ADRA1A: variants seen among roughly 807,000 people sequenced by gnomAD.
ADRA1A encodes adrenoceptor alpha 1A.
Under a neutral mutation model 29.6 loss-of-function variants are expected in ADRA1A, and 31 were observed. The ratio of observed to expected loss-of-function variants is 1.05; its 90% CI spans 0.79 to 1.41. The LOEUF (loss-of-function observed/expected upper bound fraction) is 1.41. ADRA1A is among the 40% of genes most tolerant of loss of function. The pLI, the probability that ADRA1A is intolerant of heterozygous loss-of-function variation, is 0.00. For missense variants in ADRA1A, 619 were observed against 601.1 expected, an observed-to-expected ratio of 1.03 and a Z score of -0.31; for synonymous variants, 311 against 254.3, an observed-to-expected ratio of 1.22 and a Z score of -2.12.
chr8:26,828,165 A>G (rs1810723137), intron 2 of ADRA1A, among the ~76,000 whole-genome samples: 2 of 152,222 alleles, frequency 1.3e-5, no homozygotes. Context: ...GGGTGCTAAG[A>G]TTACAGGTAT....
At chr8:26,798,654 G>A (rs1363915298) in intron 2 of ADRA1A, among the ~76,000 whole-genome samples, 1 of 152,058 alleles carries the variant, frequency 6.6e-6, no homozygotes, top group Non-Finnish European at 1.5e-5. Flanking sequence ...GAACTAGAAT[G>A]GTATCTGCCT....
At chr8:26,789,416 T>C (rs901129795) in intron 2 of ADRA1A, among the ~76,000 whole-genome samples, 3 of 152,182 alleles carry the variant, frequency 2.0e-5, no homozygotes, top group Admixed American at 1.3e-4. Context: ...GGGGCAAGGA[T>C]AGTATTTTTG....
Position 26,770,471 on chromosome 8 carries a change from A to T in ADRA1A, c.1079T>A (p.Leu360Gln), listed in dbSNP as rs766374819. The T allele has an allele frequency of 6.2e-7, 1 of 1,614,202 alleles. No individual in the cohort carries two copies. Among genetic ancestry groups the T allele is most frequent in the South Asian group, 1.1e-5 (1 of 91,082 alleles). The change falls in exon 3 of 3, where the codon CTG (leucine) becomes CAG (glutamine). Residue 360 changes from leucine (L) to glutamine (Q), a missense_variant. Physicochemically the swap from Leu to Gln is moderately radical, Grantham distance 113 (BLOSUM62 -2). Coordinates refer to ENST00000380573, the MANE Select transcript of ADRA1A (RefSeq NM_000680.4). ...QSSKHALGYT[L>Q]HPPSQAVEGQ... ...TTCCACGGCCTGGCTGGGCGGGTGC[A>T]GGGTGTAGCCCAGGGCATGTTTGGA...
In ADRA1A at chr8:26,841,370, C is replaced by T. The variant is rs1287374944; in HGVS notation, c.883+22717G>A. On this transcript the variant is annotated intron_variant, in intron 2 of 2. Transcript: ENST00000380573. The surrounding 1 kb of genome is among the most constrained non-coding windows in gnomAD (Gnocchi z 4.4). ...ACTGTCTGAGCCACCAAAGCCTACC[C>T]CACCCTTGCACCTCCTTTCTTACTC... Among the ~76,000 whole-genome samples, 1 of 152,140 alleles carries T rather than the reference C, an allele frequency of 6.6e-6. No homozygotes were observed. Among genetic ancestry groups the T allele is most frequent in the African/African-American group, 2.4e-5 (1 of 41,424 alleles).
At chr8:26,777,994 C>G (rs1282600733) in intron 2 of ADRA1A, among the ~76,000 whole-genome samples, 1 of 152,240 alleles carries the variant, frequency 6.6e-6, no homozygotes, top group Non-Finnish European at 1.5e-5. Context: ...CCTCTCATCC[C>G]TCAAACTTCT....
chr8:26,796,347 TACA>T lies in ADRA1A; in HGVS notation c.884-25684_884-25682del, dbSNP rs1808193674. 6.6e-6 allele frequency among the ~76,000 whole-genome samples: 1 copy of T among 152,232 alleles called. No individual in the cohort carries two copies. The highest frequency in any genetic ancestry group is 1.5e-5 in the Non-Finnish European group (1 of 68,034). On this transcript the variant is annotated intron_variant, in intron 2 of 2. Transcript: ENST00000380573. This position sits in a 1 kb window ranked among gnomAD's most constrained non-coding sequence, Gnocchi z 5.0. ...ACTAAAAAATAACTCACTGATTACC[TACA>T]ACATTTCGCTACCTTCATCTGCATT... is the stretch of plus-strand genomic sequence containing the variant.
In ADRA1A at chr8:26,865,727, G is replaced by C; in HGVS notation, c.-686-72C>G. On this transcript the variant is annotated intron_variant, in intron 1 of 2. Coordinates refer to ENST00000380573, the MANE Select transcript of ADRA1A (RefSeq NM_000680.4). This position sits in a 1 kb window ranked among gnomAD's most constrained non-coding sequence, Gnocchi z 7.6. ...GGAAAGAGGCTGTGCTGAGCTTGAC[G>C]GGTTGGGGGACACCAGTTGGGAGCC... 2 of 985,376 alleles carry C rather than the reference G, an allele frequency of 2.0e-6. No individual in the cohort carries two copies. The highest frequency in any genetic ancestry group is 2.4e-6 in the Non-Finnish European group (2 of 829,952). 61.0% of individuals were successfully genotyped at this position (985,376 alleles called of 1,614,324 possible). A position where few individuals can be genotyped will look rare whatever the true frequency, so the allele number is the denominator to read the frequency against.
chr8:26,819,000 C>T (rs6987037), intron 2 of ADRA1A, among the ~76,000 whole-genome samples: 4,303 of 152,052 alleles, frequency 0.028, 203 homozygotes, highest in African/African-American at 0.095. Context: ...TTCAGACTTC[C>T]ACCAAAAGAT....
Position 26,859,156 on chromosome 8 carries a change from C to T in ADRA1A, c.883+4931G>A, listed in dbSNP as rs768542153. On this transcript the variant is annotated intron_variant, in intron 2 of 2. Transcript: ENST00000380573. ...TCCTCTCCCGCAGCCTAGTGCAGAC[C>T]GACAGCCCTTTTCTCCAAAACAGCA... 7.7e-5 allele frequency: 99 copies of T among 1,289,960 alleles called. No homozygotes were observed. In the Admixed American group the frequency reaches 1.6e-3, roughly 21 times the overall value. 79.9% of individuals were successfully genotyped at this position (1,289,960 alleles called of 1,614,324 possible). A position where few individuals can be genotyped will look rare whatever the true frequency, so the allele number is the denominator to read the frequency against.
chr8:26,864,693 CCCAGTAG>C lies in ADRA1A; in HGVS notation c.270_276del (p.Tyr91ProfsTer36). ...ATGTTGCAGAAGACCCTGCCGAAGG[CCCAGTAG>C]CCTAGGACCTCGAAGATGGCGGAGA... On this transcript the variant is annotated frameshift_variant, in exon 2 of 3. Transcript: ENST00000380573. LOFTEE classifies it high-confidence loss of function. The surrounding 1 kb of genome is among the most constrained non-coding windows in gnomAD (Gnocchi z 8.1). The C allele has an allele frequency of 6.2e-7, 1 of 1,614,136 alleles. No individual in the cohort carries two copies. Among genetic ancestry groups the C allele is most frequent in the Non-Finnish European group, 8.5e-7 (1 of 1,180,038 alleles).
At chr8:26,829,004 A>G (rs897981065) in intron 2 of ADRA1A, among the ~76,000 whole-genome samples, 1 of 152,176 alleles carries the variant, frequency 6.6e-6, no homozygotes, top group African/African-American at 2.4e-5. Flanking sequence ...TATGCATGAG[A>G]TGGTGCCCAT....
chr8:26,865,164 A>T lies in ADRA1A; in HGVS notation c.-195T>A. 2.8e-6 allele frequency: 4 copies of T among 1,428,012 alleles called. No individual in the cohort carries two copies. The highest frequency in any genetic ancestry group is 3.7e-6 in the Non-Finnish European group (4 of 1,095,682). 88.5% of individuals were successfully genotyped at this position (1,428,012 alleles called of 1,614,324 possible). ...CAGCCCTGGGAACCCTCAGAAGGCC[A>T]CATGAAGGGGCAGGGCATTAAAGAC... On this transcript the variant is annotated 5_prime_UTR_variant, in exon 2 of 3. Coordinates refer to ENST00000380573, the MANE Select transcript of ADRA1A (RefSeq NM_000680.4). The surrounding 1 kb of genome is among the most constrained non-coding windows in gnomAD (Gnocchi z 7.6).
chr8:26,805,507 G>C lies in ADRA1A; in HGVS notation c.884-34841C>G, dbSNP rs551283091. Among the ~76,000 whole-genome samples the C allele has an allele frequency of 3.3e-5, 5 of 152,148 alleles. No individual in the cohort carries two copies. The highest frequency in any genetic ancestry group is 1.2e-4 in the African/African-American group (5 of 41,418). ...ACTCTATGCCCAGTACTTTCGAAAC[G>C]CTTTCCATATATTAGCTCATTTAAT... On this transcript the variant is annotated intron_variant, in intron 2 of 2. Transcript: ENST00000380573. This position sits in a 1 kb window ranked among gnomAD's most constrained non-coding sequence, Gnocchi z 4.8.
chr8:26,784,933 G>A (rs1264954395), intron 2 of ADRA1A, among the ~76,000 whole-genome samples: 3 of 152,102 alleles, frequency 2.0e-5, no homozygotes, highest in Admixed American at 6.5e-5. Flanking sequence ...CAGAATAGGC[G>A]GGATACCCAC....
rs1320078510 is a variant in ADRA1A at position 26,841,309 on chromosome 8, C to G, written c.883+22778G>C. Among the ~76,000 whole-genome samples, 1 of 152,184 alleles carries G rather than the reference C, an allele frequency of 6.6e-6. No homozygotes were observed. Among genetic ancestry groups the G allele is most frequent in the Non-Finnish European group, 1.5e-5 (1 of 68,026 alleles). On this transcript the variant is annotated intron_variant, in intron 2 of 2. Coordinates refer to ENST00000380573, the MANE Select transcript of ADRA1A (RefSeq NM_000680.4). The surrounding 1 kb of genome is among the most constrained non-coding windows in gnomAD (Gnocchi z 4.4). ...TGACCGTTCCAATCTCAGAGGACCA[C>G]AGTCTCAAGGCCACCTACAGTTTCC...
downstream of ADRA1A, among the ~76,000 whole-genome samples, chr8:26,763,235 G>A (rs1805605902): frequency 6.6e-6 from 1 of 152,178 alleles, no homozygotes; most frequent in Non-Finnish European, 1.5e-5. The surrounding 1 kb of genome is among the most constrained non-coding windows in gnomAD (Gnocchi z 4.5). Flanking sequence ...ATGTCCAGGA[G>A]GCCTTCCCAA....
rs1212095943 is a variant in ADRA1A, at chr8:26,864,662, G to A, written c.308C>T (p.Ala103Val). The A allele has an allele frequency of 6.2e-7, 1 of 1,614,026 alleles. No homozygotes were observed. Among genetic ancestry groups the A allele is most frequent in the Admixed American group, 1.7e-5 (1 of 60,006 alleles). Residue 103 changes from alanine to valine, a missense_variant, in exon 2 of 3, where the codon GCG becomes GTG. Ala to Val is a moderately conservative substitution (Grantham distance 64). Coordinates refer to ENST00000380573, the MANE Select transcript of ADRA1A (RefSeq NM_000680.4). This position sits in a 1 kb window ranked among gnomAD's most constrained non-coding sequence, Gnocchi z 8.1. ...GGTGCAGCACAGCACATCCACTGCC[G>A]CCCAGATGTTGCAGAAGACCCTGCC... ...AFGRVFCNIW[A>V]AVDVLCCTAS... is the part of the protein sequence containing the mutation.
downstream of ADRA1A, among the ~76,000 whole-genome samples, chr8:26,752,190 A>C (rs1804951072): frequency 6.6e-6 from 1 of 152,186 alleles, no homozygotes; most frequent in African/African-American, 2.4e-5. Context: ...TTTCAGGCCA[A>C]AGTATTGATA....
intron 2 of ADRA1A, among the ~76,000 whole-genome samples, chr8:26,803,081 C>T (rs192690133): frequency 3.3e-5 from 5 of 151,462 alleles, no homozygotes; most frequent in Admixed American, 6.6e-5. Flanking sequence ...GACTGGGAAG[C>T]GTAGTGGGAG....
Sources: allele counts gnomAD v4.1 joint callset (sites outside exome capture counted in the v4.1 genomes callset), GRCh38; gene constraint gnomAD v4.1.1; non-coding constraint Gnocchi (gnomAD v3.1); transcripts MANE v1.5; gene names NCBI Gene and HGNC (gene_info 2026-07-23, HGNC 2026-07-21).